The following GUCY1A2 variants were observed in gnomAD, a reference collection of about 807,000 sequenced individuals.
The protein encoded by GUCY1A2 is guanylate cyclase soluble subunit alpha-2.
A neutral mutation model predicts 63.5 loss-of-function variants in GUCY1A2; 27 were observed. The ratio of observed to expected loss-of-function variants is 0.43; its 90% CI spans 0.31 to 0.59. The LOEUF (loss-of-function observed/expected upper bound fraction) is 0.59. Among genes scored for constraint, GUCY1A2 ranks in the 20% least tolerant of loss-of-function variants. The probability of loss-of-function intolerance (pLI) is 0.11; values close to 1 mark genes in which losing one functional copy is unlikely to be tolerated. For synonymous variants in GUCY1A2, 364 were observed against 343.5 expected (o/e 1.06, Z -0.66); for missense variants, 768 against 913.3 (o/e 0.84, Z 2.05).
At chr11:106,860,298 G>A (rs1489752102) in intron 4 of GUCY1A2, among the ~76,000 whole-genome samples, 1 of 149,870 alleles carries the variant, frequency 6.7e-6, no homozygotes, top group East Asian at 1.9e-4. Context: ...TTGCTGTGAT[G>A]TAATACAGCA....
chr11:106,826,550 C>G, intron 4 of GUCY1A2: 1 of 1,602,458 alleles, frequency 6.2e-7, no homozygotes, highest in Non-Finnish European at 8.6e-7. Context: ...TGCATGACGA[C>G]TTTGATGTAT....
At chr11:106,719,408 G>A (rs901318733) in intron 6 of GUCY1A2, among the ~76,000 whole-genome samples, 3 of 151,988 alleles carry the variant, frequency 2.0e-5, no homozygotes, top group Admixed American at 6.6e-5. Flanking sequence ...TAGGAAAGGA[G>A]TCTCATAGTA....
At chr11:106,856,074 T>C (rs11211947) in intron 4 of GUCY1A2, among the ~76,000 whole-genome samples, 45,567 of 150,988 alleles carry the variant, frequency 0.3, 7,184 homozygotes, top group Non-Finnish European at 0.34. Flanking sequence ...TACAGACATG[T>C]GCCACCACAC....
chr11:106,889,001 G>GA lies in GUCY1A2; in HGVS notation c.1206+50458dup, dbSNP rs202122030. On this transcript the variant is annotated intron_variant, in intron 4 of 7. Coordinates refer to ENST00000526355, the MANE Select transcript of GUCY1A2 (RefSeq NM_000855.3). ...AGGTTAATCCGGTATTCTCTATTTAGAAAAAAAAAACCTTAAAAATTGTCC... is the reference window on the plus strand; with the variant it reads ...AGGTTAATCCGGTATTCTCTATTTAGAAAAAAAAAAACCTTAAAAATTGTCC... Among the ~76,000 whole-genome samples the GA allele has an allele frequency of 3.8e-3, 554 of 146,582 alleles. 3 individuals carry two copies. The highest frequency in any genetic ancestry group is 0.01 in the African/African-American group (402 of 40,052).
chr11:106,731,354 C>CAT (rs1337586400), intron 6 of GUCY1A2, among the ~76,000 whole-genome samples: 37 of 152,124 alleles, frequency 2.4e-4, no homozygotes, highest in Non-Finnish European at 4.7e-4. Flanking sequence ...TGTTAAAAAC[C>CAT]TCAACAAGCT....
At chr11:106,902,359 A>G (rs1052066890) in intron 4 of GUCY1A2, among the ~76,000 whole-genome samples, 33 of 152,316 alleles carry the variant, frequency 2.2e-4, no homozygotes, top group African/African-American at 7.9e-4. Context: ...TAAGAACCCA[A>G]GGATTTTCAA....
intron 6 of GUCY1A2, among the ~76,000 whole-genome samples, chr11:106,750,577 C>G (rs1016373457): frequency 2.0e-5 from 3 of 151,950 alleles, no homozygotes; most frequent in Admixed American, 6.6e-5. Context: ...AAAACAGTAC[C>G]AATTCAAACT....
intron 3 of GUCY1A2, among the ~76,000 whole-genome samples, chr11:106,944,419 C>T (rs1358480614): frequency 2.0e-5 from 3 of 151,828 alleles, no homozygotes; most frequent in Non-Finnish European, 4.4e-5. Flanking sequence ...TGTACTCCAG[C>T]CTGAGTGACA....
intron 3 of GUCY1A2, among the ~76,000 whole-genome samples, chr11:106,949,785 G>C (rs1591339597): frequency 6.6e-6 from 1 of 152,112 alleles, no homozygotes; most frequent in Non-Finnish European, 1.5e-5. Context: ...ATATGCTAAG[G>C]TCCAGAAAGA....
chr11:106,790,870 C>G (rs1385328893), intron 5 of GUCY1A2, among the ~76,000 whole-genome samples: 1 of 152,146 alleles, frequency 6.6e-6, no homozygotes, highest in Non-Finnish European at 1.5e-5. Context: ...AAGACAAAGT[C>G]CTCTTTACTT....
At chr11:107,015,346 A>G (rs898933201) in intron 1 of GUCY1A2, among the ~76,000 whole-genome samples, 2 of 152,108 alleles carry the variant, frequency 1.3e-5, no homozygotes, top group African/African-American at 2.4e-5. Context: ...CTCTGGATAC[A>G]TTCTTTTCAT....
chr11:106,875,091 G>A (rs1006483623), intron 4 of GUCY1A2, among the ~76,000 whole-genome samples: 6 of 152,142 alleles, frequency 3.9e-5, no homozygotes, highest in African/African-American at 1.4e-4. Context: ...TATCAACCAG[G>A]TTTTTGTCCC....
intron 6 of GUCY1A2, among the ~76,000 whole-genome samples, chr11:106,766,439 G>A (rs141006523): frequency 2.0e-5 from 3 of 151,992 alleles, no homozygotes; most frequent in South Asian, 2.1e-4. Context: ...TTGAATGTTT[G>A]CATATAAAAA....
chr11:106,793,031 A>T lies in GUCY1A2; in HGVS notation c.1693-16449T>A, dbSNP rs564027574. ...CAAAATTCACAGAAATAGAAAAAAA[A>T]TCCTAAAATTCATATATAACTACAA... On this transcript the variant is annotated intron_variant, in intron 5 of 7. Coordinates refer to ENST00000526355, the MANE Select transcript of GUCY1A2 (RefSeq NM_000855.3). 2.0e-5 allele frequency among the ~76,000 whole-genome samples: 3 copies of T among 152,326 alleles called. No individual in the cohort carries two copies. The South Asian group carries it at 6.2e-4, about 32-fold the overall frequency.
intron 7 of GUCY1A2, 136 bp downstream of exon 7, chr11:106,708,374 CTT>C: frequency 1.7e-6 from 1 of 585,888 alleles, no homozygotes; most frequent in Non-Finnish European, 2.9e-6. Context: ...TACTATCTAT[CTT>C]TTGGGTTTGG....
chr11:106,928,724 C>A (rs1048335848), intron 4 of GUCY1A2, among the ~76,000 whole-genome samples: 2 of 152,142 alleles, frequency 1.3e-5, no homozygotes, highest in African/African-American at 4.8e-5. Flanking sequence ...TCCTAGGCTG[C>A]AAATCTATAC....
intron 6 of GUCY1A2, among the ~76,000 whole-genome samples, chr11:106,749,419 C>G (rs778407678): frequency 6.6e-5 from 10 of 152,066 alleles, no homozygotes; most frequent in Middle Eastern, 3.2e-3. Flanking sequence ...CCCTGCCTAA[C>G]AGAATCCCTC....
intron 6 of GUCY1A2, among the ~76,000 whole-genome samples, chr11:106,729,912 C>A (rs2171459): frequency 0.59 from 88,622 of 150,578 alleles, 26,423 homozygotes; most frequent in East Asian, 0.86. Context: ...CATTTCTAAC[C>A]CTCAGGAATT....
chr11:106,683,903 A>AAAAC lies in GUCY1A2; in HGVS notation c.*3642_*3645dup, dbSNP rs1862475905. 5.0e-6 allele frequency: 1 copy of AAAAC among 201,888 alleles called. No individual in the cohort carries two copies. The highest frequency in any genetic ancestry group is 1.0e-5 in the Non-Finnish European group (1 of 98,080). The allele number at this position is 201,888 out of a possible 1,614,324, so 12.5% of individuals were successfully genotyped here. ...ATTCAGCAGCAGTATGATTCTATAC[A>AAAAC]AAACACAGAGCCTGGTGGGGTTTTC... On this transcript the variant is annotated 3_prime_UTR_variant, in exon 8 of 8. Transcript: ENST00000526355.
Sources: gnomAD v4.1 joint callset for allele counts (sites outside exome capture counted in the v4.1 genomes callset) on GRCh38, gnomAD v4.1.1 for gene constraint, MANE v1.5 for transcripts, NCBI Gene and HGNC (gene_info 2026-07-23, HGNC 2026-07-21) for gene names.